Variants in NELL1 observed in about 807,000 individuals in gnomAD.
NELL1 encodes neural EGFL like 1, also known as protein kinase C-binding protein NELL1.
A neutral mutation model predicts 107.4 loss-of-function variants in NELL1; 76 were observed. That is an observed-to-expected ratio of 0.71 (90% confidence interval 0.59 to 0.86). The LOEUF is 0.86. Among genes scored for constraint, NELL1 ranks in the 40% least tolerant of loss-of-function variants. The pLI, the probability that NELL1 is intolerant of heterozygous loss-of-function variation, is 0.00. For missense variants in NELL1, 1,024 were observed against 1,005.5 expected, an observed-to-expected ratio of 1.02 and a Z score of -0.25; for synonymous variants, 353 against 341.2, an observed-to-expected ratio of 1.03 and a Z score of -0.38.
chr11:20,696,447 T>C (rs1252275290), intron 2 of NELL1, among the ~76,000 whole-genome samples: 4 of 152,174 alleles, frequency 2.6e-5, no homozygotes, highest in South Asian at 2.1e-4. Context: ...GGTAGGCCTT[T>C]AGTGCTATAA....
chr11:21,266,321 A>G (rs1027057821), intron 14 of NELL1, among the ~76,000 whole-genome samples: 8 of 151,892 alleles, frequency 5.3e-5, no homozygotes, highest in African/African-American at 1.9e-4. Context: ...TCAATCATCT[A>G]TCTACCTATT....
intron 5 of NELL1, among the ~76,000 whole-genome samples, chr11:20,893,955 A>G (rs1362159556): frequency 6.6e-6 from 1 of 152,096 alleles, no homozygotes; most frequent in Non-Finnish European, 1.5e-5. Context: ...CCACATAATA[A>G]TAAGCTATTT....
At chr11:21,461,536 T>C (rs1249334348) in intron 15 of NELL1, among the ~76,000 whole-genome samples, 1 of 152,090 alleles carries the variant, frequency 6.6e-6, no homozygotes, top group Non-Finnish European at 1.5e-5. Context: ...CCATTGTTGG[T>C]CGGTCAGAAT....
chr11:20,997,849 G>A (rs1017394648), intron 12 of NELL1, among the ~76,000 whole-genome samples: 1 of 152,010 alleles, frequency 6.6e-6, no homozygotes, highest in Non-Finnish European at 1.5e-5. Context: ...TGGTGTGCCT[G>A]TAGTCTTAGC....
intron 15 of NELL1, among the ~76,000 whole-genome samples, chr11:21,447,169 C>A (rs918262162): frequency 6.6e-6 from 1 of 152,158 alleles, no homozygotes; most frequent in Non-Finnish European, 1.5e-5. Context: ...CCCTTCAGAG[C>A]AGTGGGCTCC....
intron 14 of NELL1, among the ~76,000 whole-genome samples, chr11:21,322,564 A>G (rs1011387400): frequency 2.6e-5 from 4 of 152,154 alleles, no homozygotes; most frequent in Non-Finnish European, 5.9e-5. Context: ...ATAAAATGCT[A>G]TTACTTATAT....
At chr11:20,980,560 C>T (rs1001340880) in intron 12 of NELL1, among the ~76,000 whole-genome samples, 1 of 152,002 alleles carries the variant, frequency 6.6e-6, no homozygotes, top group Non-Finnish European at 1.5e-5. Flanking sequence ...TTTGGGAGAG[C>T]CCATAAGTAA....
intron 14 of NELL1, among the ~76,000 whole-genome samples, chr11:21,305,744 T>G (rs1156331401): frequency 6.6e-6 from 1 of 151,878 alleles, no homozygotes. Context: ...ATATATATAT[T>G]ACATTTGTTA....
chr11:21,336,670 T>TACACACACACACACACACACACACACAC, intron 14 of NELL1, among the ~76,000 whole-genome samples: 1 of 95,864 alleles, frequency 1.0e-5, no homozygotes, highest in African/African-American at 3.6e-5. Context: ...TATATATATA[T>TACACACACACACACACACACACACACAC]ATATACACAC....
At chr11:21,571,013 C>A in intron 18 of NELL1, 73 bp downstream of exon 18, 1 of 1,417,998 alleles carries the variant, frequency 7.1e-7, no homozygotes. Context: ...GTCTGTGGGA[C>A]CTAGTTCCCA....
chr11:21,535,424 G>A (rs984374849), intron 16 of NELL1, among the ~76,000 whole-genome samples: 2 of 152,096 alleles, frequency 1.3e-5, no homozygotes, highest in Admixed American at 6.6e-5. Context: ...TCTGCTTAGG[G>A]TATATTGTTT....
At chr11:21,185,685 C>G (rs187267156) in intron 13 of NELL1, among the ~76,000 whole-genome samples, 26 of 151,916 alleles carry the variant, frequency 1.7e-4, no homozygotes, top group Admixed American at 9.8e-4. Context: ...TGCTTCCCAG[C>G]TCACAGGGTT....
At chr11:21,256,642 C>T (rs1401496140) in intron 14 of NELL1, among the ~76,000 whole-genome samples, 2 of 152,050 alleles carry the variant, frequency 1.3e-5, no homozygotes, top group Non-Finnish European at 2.9e-5. Context: ...GATGTGGAGG[C>T]TGTTGCCATC....
chr11:21,194,481 G>C (rs956044868), intron 13 of NELL1, among the ~76,000 whole-genome samples: 1 of 152,016 alleles, frequency 6.6e-6, no homozygotes, highest in African/African-American at 2.4e-5. Context: ...AGTTGATCTG[G>C]TCTGGTCTAG....
At chr11:21,407,924 C>G (rs4471417) in intron 15 of NELL1, among the ~76,000 whole-genome samples, 104,087 of 151,678 alleles carry the variant, frequency 0.69, 35,910 homozygotes, top group Middle Eastern at 0.72. Context: ...TAAAGTATTT[C>G]CTGATTCTTC....
At chr11:20,680,567 A>G (rs2133853508) in intron 2 of NELL1, among the ~76,000 whole-genome samples, 1 of 152,282 alleles carries the variant, frequency 6.6e-6, no homozygotes, top group East Asian at 1.9e-4. Context: ...GATACCAGTT[A>G]TAGATATTTC....
At chr11:21,436,706 C>G (rs1375727940) in intron 15 of NELL1, among the ~76,000 whole-genome samples, 1 of 151,892 alleles carries the variant, frequency 6.6e-6, no homozygotes, top group Non-Finnish European at 1.5e-5. Flanking sequence ...TTTTCTGGTT[C>G]CTTGAGGTGC....
chr11:20,735,536 C>T (rs945871175), intron 2 of NELL1, among the ~76,000 whole-genome samples: 11 of 152,122 alleles, frequency 7.2e-5, no homozygotes, highest in African/African-American at 2.2e-4. Context: ...GATTAAATTA[C>T]CTCCAACCAG....
intron 13 of NELL1, among the ~76,000 whole-genome samples, chr11:21,156,151 G>A (rs1856228185): frequency 6.6e-6 from 1 of 151,990 alleles, no homozygotes; most frequent in African/African-American, 2.4e-5. Context: ...AAATGAAGGA[G>A]GATGAAGATT....
Sources: allele counts gnomAD v4.1 joint callset (sites outside exome capture counted in the v4.1 genomes callset), GRCh38; gene constraint gnomAD v4.1.1; transcripts MANE v1.5; gene names NCBI Gene and HGNC (gene_info 2026-07-23, HGNC 2026-07-21).